MTMR7: variants seen among roughly 807,000 people sequenced by gnomAD.
The protein encoded by MTMR7 is myotubularin related protein 7, also known as phosphatidylinositol-3-phosphate phosphatase MTMR7.
In MTMR7, 76 loss-of-function variants were observed where a neutral mutation model predicts 81.2. The ratio of observed to expected loss-of-function variants is 0.94; its 90% CI spans 0.78 to 1.13. The LOEUF is 1.13. Among genes scored for constraint, MTMR7 ranks in the 50% most tolerant of loss-of-function variants. The pLI is 0.00. For synonymous variants in MTMR7, 372 were observed against 289.8 expected (o/e 1.28, Z -2.88); for missense variants, 1,044 against 820.0 (o/e 1.27, Z -3.34).
chr8:17,405,835 TACACACACACACACACACACAC>T (rs36233628), intron 1 of MTMR7, among the ~76,000 whole-genome samples: 14,415 of 121,018 alleles, frequency 0.12, 1,124 homozygotes, highest in East Asian at 0.39. Flanking sequence ...CCCAAAACTA[TACACACACACACACACACACAC>T]ACACACACAC....
In MTMR7 at chr8:17,309,315, T is replaced by C. The variant is rs1472125370; in HGVS notation, c.1113A>G (p.Glu371=). 1.9e-6 allele frequency: 3 copies of C among 1,564,558 alleles called. No homozygotes were observed. The African/African-American group carries it at 4.1e-5, about 21-fold the overall frequency. ...RTLKGFMVLI[E]KDWISFGHKF... is the part of the protein sequence containing the mutation. ...TATGACCAAAGGAAATCCAGTCCTT[T>C]TCAATTAATACCTACACAAGAAAGA... Residue 371 remains glutamate (E), a synonymous_variant, in exon 10 of 14, where the codon GAA becomes GAG. Transcript: ENST00000180173.
chr8:17,364,122 C>T (rs1173098655), intron 3 of MTMR7, among the ~76,000 whole-genome samples: 3 of 149,236 alleles, frequency 2.0e-5, no homozygotes, highest in South Asian at 4.2e-4. Flanking sequence ...CTCCGCCTCC[C>T]GGGTTCACGC....
intron 1 of MTMR7, among the ~76,000 whole-genome samples, chr8:17,373,980 A>T (rs2150567170): frequency 6.6e-6 from 1 of 152,330 alleles, no homozygotes; most frequent in African/African-American, 2.4e-5. Context: ...ACAGAGCGAG[A>T]GAAAACTGAA....
At chr8:17,347,006 G>T (rs1480012016) in intron 5 of MTMR7, among the ~76,000 whole-genome samples, 1 of 151,250 alleles carries the variant, frequency 6.6e-6, no homozygotes, top group Non-Finnish European at 1.5e-5. Context: ...ACCAGCCTGG[G>T]CAACATGGCT....
In MTMR7 at chr8:17,331,020, CTG is replaced by C. The variant is rs1428250550; in HGVS notation, c.865+128_865+129del. The C allele has an allele frequency of 4.5e-6, 5 of 1,123,470 alleles. No homozygotes were observed. In the Admixed American group the frequency reaches 8.3e-5, roughly 19 times the overall value. 69.6% of individuals were successfully genotyped at this position (1,123,470 alleles called of 1,614,324 possible). ...ACGTTCTTAAGTGTTTAAAAAGCCA[CTG>C]TAACATGATATTCTTCCCAAATTAT... is the stretch of plus-strand genomic sequence containing the variant. On this transcript the variant is annotated intron_variant, in intron 7 of 13. Coordinates refer to ENST00000180173, the MANE Select transcript of MTMR7 (RefSeq NM_004686.5).
chr8:17,366,620 C>T (rs1250682742), intron 3 of MTMR7, among the ~76,000 whole-genome samples: 1 of 152,102 alleles, frequency 6.6e-6, no homozygotes, highest in Non-Finnish European at 1.5e-5. Flanking sequence ...GGCGCGGTGG[C>T]TCACGCCTGT....
At chr8:17,356,029 CAGG>C (rs1381020635) in intron 4 of MTMR7, among the ~76,000 whole-genome samples, 1 of 152,202 alleles carries the variant, frequency 6.6e-6, no homozygotes, top group Non-Finnish European at 1.5e-5. Context: ...GGTGCTGGAG[CAGG>C]AGAAGAAATC....
chr8:17,361,369 G>C, intron 3 of MTMR7, 95 bp from the exon 4 acceptor site: 1 of 1,397,832 alleles, frequency 7.2e-7, no homozygotes, highest in Non-Finnish European at 1.0e-6. Flanking sequence ...AGTGCCCAGA[G>C]AGGCCATCCC....
intron 7 of MTMR7, among the ~76,000 whole-genome samples, chr8:17,315,843 C>A (rs1022245429): frequency 1.3e-5 from 2 of 152,038 alleles, no homozygotes; most frequent in African/African-American, 4.8e-5. Flanking sequence ...GAGACTCAGG[C>A]TCTACAAAAA....
chr8:17,341,442 T>G lies in MTMR7; in HGVS notation c.653A>C (p.Glu218Ala). 1 of 1,614,174 alleles carries G rather than the reference T, an allele frequency of 6.2e-7. No individual in the cohort carries two copies. The highest frequency in any genetic ancestry group is 8.5e-7 in the Non-Finnish European group (1 of 1,180,016). Reference sequence around the variant, plus strand: ...AATGGCCTGGAGCATCTGCTCGTCCTCTAGGCACCGGGCACTGAAGCCGGA... The same window carrying G: ...AATGGCCTGGAGCATCTGCTCGTCCGCTAGGCACCGGGCACTGAAGCCGGA... The part of the protein sequence containing the change: ...PLSGFSARCL[E>A]DEQMLQAIRK... Residue 218 changes from glutamate (E) to alanine (A), a missense_variant, in exon 6 of 14, where the codon GAG becomes GCG. Coordinates refer to ENST00000180173, the MANE Select transcript of MTMR7 (RefSeq NM_004686.5).
chr8:17,365,510 T>C (rs566179075), intron 3 of MTMR7, among the ~76,000 whole-genome samples: 1 of 152,320 alleles, frequency 6.6e-6, no homozygotes, highest in South Asian at 2.1e-4. Context: ...AAAGCTCCTC[T>C]GGCTTTTCCC....
chr8:17,342,087 G>A (rs2150542816), intron 5 of MTMR7, among the ~76,000 whole-genome samples: 1 of 152,236 alleles, frequency 6.6e-6, no homozygotes, highest in Admixed American at 6.5e-5. Flanking sequence ...TTAGAACAAG[G>A]GGGATTTTTT....
chr8:17,411,160 T>C (rs889949387), intron 1 of MTMR7, among the ~76,000 whole-genome samples: 3 of 152,246 alleles, frequency 2.0e-5, no homozygotes, highest in African/African-American at 7.2e-5. Context: ...TTATTTAACC[T>C]CAAGGAATCA....
rs555003152 is a variant in MTMR7 at position 17,387,407 on chromosome 8, G to A, written c.25-14167C>T. On this transcript the variant is annotated intron_variant, in intron 1 of 13. Transcript: ENST00000180173. ...AATCCAAGAAGTTTAGACAGACCCAGGGGAGCTACTGGTAGAAAAATTCAC... is the reference window on the plus strand; with the variant it reads ...AATCCAAGAAGTTTAGACAGACCCAAGGGAGCTACTGGTAGAAAAATTCAC... 2.0e-5 allele frequency among the ~76,000 whole-genome samples: 3 copies of A among 152,164 alleles called. No individual in the cohort carries two copies. The East Asian group carries it at 5.8e-4, about 29-fold the overall frequency.
At chr8:17,366,448 C>G (rs1241700163) in intron 3 of MTMR7, among the ~76,000 whole-genome samples, 1 of 151,792 alleles carries the variant, frequency 6.6e-6, no homozygotes, top group African/African-American at 2.4e-5. Flanking sequence ...TCAGCATCAG[C>G]AGAATGGGAA....
intron 3 of MTMR7, among the ~76,000 whole-genome samples, chr8:17,368,842 T>C (rs775780936): frequency 5.3e-5 from 8 of 152,240 alleles, no homozygotes; most frequent in Non-Finnish European, 1.2e-4. Context: ...AGTGAATGAC[T>C]ATGATTTCTT....
At chr8:17,408,448 A>G (rs1408606735) in intron 1 of MTMR7, among the ~76,000 whole-genome samples, 1 of 151,534 alleles carries the variant, frequency 6.6e-6, no homozygotes, top group Non-Finnish European at 1.5e-5. Context: ...TCATTATTTC[A>G]GAAGACTTCC....
In MTMR7 at chr8:17,369,165, T is replaced by C. The variant is rs917676663; in HGVS notation, c.310+1872A>G. Among the ~76,000 whole-genome samples the C allele has an allele frequency of 5.9e-5, 9 of 152,300 alleles. No homozygotes were observed. The East Asian group carries it at 9.7e-4, about 16-fold the overall frequency. ...GACACAGAAACTGTTAGCACAGAATTCTCCTCACATTATCTGCTGCGTGCA... is the reference window on the plus strand; with the variant it reads ...GACACAGAAACTGTTAGCACAGAATCCTCCTCACATTATCTGCTGCGTGCA... On this transcript the variant is annotated intron_variant, in intron 3 of 13. Transcript: ENST00000180173.
At chr8:17,397,262 T>C (rs1288450451) in intron 1 of MTMR7, among the ~76,000 whole-genome samples, 2 of 151,946 alleles carry the variant, frequency 1.3e-5, no homozygotes, top group African/African-American at 2.4e-5. Flanking sequence ...GAGTATCACG[T>C]GGTCCCTTGG....
Sources: allele counts gnomAD v4.1 joint callset (sites outside exome capture counted in the v4.1 genomes callset), GRCh38; gene constraint gnomAD v4.1.1; transcripts MANE v1.5; gene names NCBI Gene and HGNC (gene_info 2026-07-23, HGNC 2026-07-21).